The following SHC2 variants were observed in gnomAD, a reference collection of about 807,000 sequenced individuals.
SHC2 encodes SHC adaptor protein 2.
A neutral mutation model predicts 60.6 loss-of-function variants in SHC2; 62 were observed. That is an observed-to-expected ratio of 1.02 (90% CI 0.83 to 1.26). The LOEUF (loss-of-function observed/expected upper bound fraction) is 1.26, where lower values mean the gene tolerates loss of function less well. SHC2 is among the 50% of genes most tolerant of loss of function. The pLI is 0.00. For missense variants in SHC2, 873 were observed against 822.2 expected (o/e 1.06, Z -0.76); for synonymous variants, 375 against 372.4 (o/e 1.01, Z -0.08).
chr19:425,430 G>A lies in SHC2; in HGVS notation c.1175-199C>T, dbSNP rs1275256563. On this transcript the variant is annotated intron_variant, in intron 9 of 12. Coordinates refer to ENST00000264554, the MANE Select transcript of SHC2 (RefSeq NM_012435.3). The surrounding 1 kb of genome is among the most constrained non-coding windows in gnomAD (Gnocchi z 4.1). ...GAGCATCTTACAGCAGCAAAGCCCC[G>A]TCGGGGCTCCAACCAGGGACAAGAG... Among the ~76,000 whole-genome samples the A allele has an allele frequency of 3.3e-5, 5 of 152,312 alleles. No individual in the cohort carries two copies. Among genetic ancestry groups the A allele is most frequent in the African/African-American group, 4.8e-5 (2 of 41,578 alleles).
Position 460,586 on chromosome 19 carries a change from G to A in SHC2, c.411C>T (p.His137=). ...RKGSFIHKPA[H]GWLHPDARVL... ...CCCTGGCGTCGGGGTGTAGCCAGCC[G>A]TGCGCGGGTTTGTGGATGAAGCTGC... The change falls in exon 1 of 13, where the codon CAC becomes CAT. Residue 137 remains histidine, a synonymous_variant. Transcript: ENST00000264554. 2.1e-6 allele frequency: 3 copies of A among 1,410,728 alleles called. No homozygotes were observed. The highest frequency in any genetic ancestry group is 1.9e-6 in the Non-Finnish European group (2 of 1,075,294). The allele number at this position is 1,410,728 out of a possible 1,614,324, so 87.4% of individuals were successfully genotyped here.
chr19:458,214 G>A (rs1244417985), intron 1 of SHC2, among the ~76,000 whole-genome samples: 5 of 129,136 alleles, frequency 3.9e-5, no homozygotes, highest in African/African-American at 8.9e-5. Flanking sequence ...TTCCGGGGAG[G>A]CAGACGCGGG....
At chr19:449,762 A>G (rs1288858881) in intron 1 of SHC2, among the ~76,000 whole-genome samples, 1 of 152,196 alleles carries the variant, frequency 6.6e-6, no homozygotes, top group Non-Finnish European at 1.5e-5. Flanking sequence ...ACCGTGTCTC[A>G]ATAATGATAA....
At chr19:430,852 G>C in intron 8 of SHC2, 105 bp from the exon 9 acceptor site, 2 of 1,043,794 alleles carry the variant, frequency 1.9e-6, no homozygotes, top group East Asian at 2.6e-5. Context: ...TGGAGACTTA[G>C]GGGTGGGGAG....
In SHC2 at chr19:460,660, CCCCCCGCCCGCCCCGCGA is replaced by C. The variant is rs939178892; in HGVS notation, c.319_336del (p.Ser107_Gly112del). ...GCGGCGGCGTCCCCGGACCCCGCCG[CCCCCCGCCCGCCCCGCGA>C]CCCCCGCGACCCCGCGCCCCGACAG... is the stretch of plus-strand genomic sequence containing the variant. On this transcript the variant is annotated inframe_deletion, in exon 1 of 13. Transcript: ENST00000264554. 1 of 1,137,032 alleles carries C rather than the reference CCCCCCGCCCGCCCCGCGA, an allele frequency of 8.8e-7. No individual in the cohort carries two copies. The highest frequency in any genetic ancestry group is 1.7e-5 in the African/African-American group (1 of 59,980). 70.4% of individuals were successfully genotyped at this position (1,137,032 alleles called of 1,614,324 possible).
chr19:460,348 C>G (rs1012686347), intron 1 of SHC2, among the ~76,000 whole-genome samples, 181 bp downstream of exon 1: 3 of 151,860 alleles, frequency 2.0e-5, no homozygotes, highest in African/African-American at 7.2e-5. Context: ...ACCCGGACCC[C>G]AGCGCCTCCG....
chr19:424,561 G>C lies in SHC2; in HGVS notation c.1309+536C>G, dbSNP rs1974360895. Among the ~76,000 whole-genome samples, 1 of 152,168 alleles carries C rather than the reference G, an allele frequency of 6.6e-6. No homozygotes were observed. Among genetic ancestry groups the C allele is most frequent in the Admixed American group, 6.5e-5 (1 of 15,282 alleles). Reference sequence around the variant, plus strand: ...CCTCTCAGACTAAGGAGTCCCATGGGGCGAGGGTCTGGCTTCCCCTGTTGA... The same window carrying C: ...CCTCTCAGACTAAGGAGTCCCATGGCGCGAGGGTCTGGCTTCCCCTGTTGA... On this transcript the variant is annotated intron_variant, in intron 10 of 12. Coordinates refer to ENST00000264554, the MANE Select transcript of SHC2 (RefSeq NM_012435.3). The surrounding 1 kb of genome is among the most constrained non-coding windows in gnomAD (Gnocchi z 4.5).
intron 9 of SHC2, among the ~76,000 whole-genome samples, chr19:429,609 A>G (rs1032751957): frequency 4.2e-5 from 6 of 143,558 alleles, no homozygotes; most frequent in Non-Finnish European, 9.0e-5. Context: ...ATGCAGAGAA[A>G]CCTAATACCG....
rs776482449 is a variant in SHC2 at position 440,978 on chromosome 19, T to C, written c.469-46A>G. ...TCAGATGCCATCGGAACCCCCGCAG[T>C]GGAGCCACGTCCCTTTTCCCAGCAG... On this transcript the variant is annotated intron_variant, in intron 1 of 12. Coordinates refer to ENST00000264554, the MANE Select transcript of SHC2 (RefSeq NM_012435.3). This position sits in a 1 kb window ranked among gnomAD's most constrained non-coding sequence, Gnocchi z 7.0. 4.4e-6 allele frequency: 7 copies of C among 1,575,422 alleles called. No homozygotes were observed. The Admixed American group carries it at 1.2e-4, about 26-fold the overall frequency.
chr19:426,943 T>C (rs1341890314), intron 9 of SHC2, among the ~76,000 whole-genome samples: 2 of 151,736 alleles, frequency 1.3e-5, no homozygotes, highest in Non-Finnish European at 2.9e-5. Context: ...GGCACATTTG[T>C]AGGAGTTCTT....
rs1295115967 is a variant in SHC2 at position 425,529 on chromosome 19, C to T, written c.1175-298G>A. Among the ~76,000 whole-genome samples, 2 of 152,210 alleles carry T rather than the reference C, an allele frequency of 1.3e-5. No individual in the cohort carries two copies. The highest frequency in any genetic ancestry group is 4.8e-5 in the African/African-American group (2 of 41,450). The stretch of plus-strand genomic sequence containing the variant: ...GGAGAAGGCAGCCGCTGCTCCACCC[C>T]ACCCCGCCCTGGCCCTCCCCGGCCC... On this transcript the variant is annotated intron_variant, in intron 9 of 12. Transcript: ENST00000264554. This position sits in a 1 kb window ranked among gnomAD's most constrained non-coding sequence, Gnocchi z 4.1.
Position 418,929 on chromosome 19 carries a change from C to T in SHC2, c.1748G>A (p.Ter583=), listed in dbSNP as rs1158728200. Residue 583 remains the stop codon, a stop_retained_variant, in exon 12 of 13, where the codon TGA becomes TAA. Coordinates refer to ENST00000264554, the MANE Select transcript of SHC2 (RefSeq NM_012435.3). ...HLRGVVSREP[*] Reference sequence around the variant, plus strand: ...CACGGCGGCAGCCACACACCTGGCTCAGGGCTCCCGTGAGACCACGCCACG... The same window carrying T: ...CACGGCGGCAGCCACACACCTGGCTTAGGGCTCCCGTGAGACCACGCCACG... 2 of 1,585,326 alleles carry T rather than the reference C, an allele frequency of 1.3e-6. No individual in the cohort carries two copies. The highest frequency in any genetic ancestry group is 1.7e-5 in the Admixed American group (1 of 57,248).
At chr19:431,269 A>G (rs1444496563) in intron 8 of SHC2, among the ~76,000 whole-genome samples, 8 of 151,798 alleles carry the variant, frequency 5.3e-5, no homozygotes, top group Non-Finnish European at 1.0e-4. Context: ...GGGCAGATAG[A>G]TGGCGCTTCA....
rs1371769928 is a variant in SHC2 at position 445,889 on chromosome 19, A to G, written c.469-4957T>C. 5.3e-5 allele frequency among the ~76,000 whole-genome samples: 8 copies of G among 151,858 alleles called. No individual in the cohort carries two copies. The highest frequency in any genetic ancestry group is 8.8e-5 in the Non-Finnish European group (6 of 67,986). On this transcript the variant is annotated intron_variant, in intron 1 of 12. Coordinates refer to ENST00000264554, the MANE Select transcript of SHC2 (RefSeq NM_012435.3). The surrounding 1 kb of genome is among the most constrained non-coding windows in gnomAD (Gnocchi z 4.4). ...ACTCTACTGAAAATACAAAAATAAA[A>G]ATAAAAATAAAAAAATTAGCTGGGC...
chr19:434,095 C>A (rs1406379144), intron 8 of SHC2, among the ~76,000 whole-genome samples: 2 of 112,670 alleles, frequency 1.8e-5, no homozygotes, highest in Non-Finnish European at 3.5e-5. Context: ...GGCGCTTCAT[C>A]GTGAGTGAGA....
chr19:420,350 G>A (rs919601595), intron 11 of SHC2, among the ~76,000 whole-genome samples: 3 of 152,140 alleles, frequency 2.0e-5, no homozygotes, highest in South Asian at 2.1e-4. Context: ...TGTGCTTCAC[G>A]CAGAGACCAG....
intron 12 of SHC2, among the ~76,000 whole-genome samples, chr19:418,296 G>C (rs974485934): frequency 1.3e-5 from 2 of 152,204 alleles, no homozygotes; most frequent in African/African-American, 4.8e-5. Context: ...CACGCCGCAG[G>C]GGTCCACAAA....
intron 1 of SHC2, among the ~76,000 whole-genome samples, chr19:457,195 A>C (rs530848402): frequency 7.9e-6 from 1 of 125,818 alleles, no homozygotes; most frequent in South Asian, 2.5e-4. Context: ...CCCCGACTAG[A>C]ACTCTGTCTG....
Position 460,685 on chromosome 19 carries a change from C to A in SHC2, c.312G>T (p.Ser104=). Residue 104 remains serine (S), a synonymous_variant, in exon 1 of 13, where the codon TCG becomes TCT. Coordinates refer to ENST00000264554, the MANE Select transcript of SHC2 (RefSeq NM_012435.3). ...CCCCCCGCCCGCCCCGCGACCCCCG[C>A]GACCCCGCGCCCCGACAGCGGCTGA... ...PALSRCRGAG[S]RGSRGGRGAA... is the part of the protein sequence containing the mutation. 3.8e-6 allele frequency: 4 copies of A among 1,045,304 alleles called. No individual in the cohort carries two copies. Among genetic ancestry groups the A allele is most frequent in the Non-Finnish European group, 4.6e-6 (4 of 873,928 alleles). The allele number at this position is 1,045,304 out of a possible 1,614,324, so 64.8% of individuals were successfully genotyped here.
Sources: gnomAD v4.1 joint callset for allele counts (sites outside exome capture counted in the v4.1 genomes callset) on GRCh38, gnomAD v4.1.1 for gene constraint, Gnocchi (gnomAD v3.1) non-coding constraint, MANE v1.5 for transcripts, NCBI Gene and HGNC (gene_info 2026-07-23, HGNC 2026-07-21) for gene names.